NRXN1: variants seen among roughly 807,000 people sequenced by gnomAD.
NRXN1 encodes the protein neurexin-1.
A neutral mutation model predicts 150.9 loss-of-function variants in NRXN1; 39 were observed. The ratio of observed to expected loss-of-function variants is 0.26; its 90% confidence interval spans 0.20 to 0.34. The LOEUF (loss-of-function observed/expected upper bound fraction) is 0.34, where lower values mean the gene tolerates loss of function less well. Among genes scored for constraint, NRXN1 ranks in the 10% least tolerant of loss-of-function variants. NRXN1 has a pLI of 1.00. For missense variants in NRXN1, 1,815 were observed against 1,949.9 expected (o/e 0.93, Z 1.30); for synonymous variants, 924 against 757.0 (o/e 1.22, Z -3.62).
intron 5 of NRXN1, among the ~76,000 whole-genome samples, chr2:50,844,399 C>T (rs72838774): frequency 0.074 from 11,239 of 152,252 alleles, 529 homozygotes; most frequent in Middle Eastern, 0.13. Flanking sequence ...CTTATGGTGA[C>T]CTTCTAGGTG....
At chr2:50,576,947 T>C (rs1475286650) in intron 8 of NRXN1, among the ~76,000 whole-genome samples, 8 of 152,124 alleles carry the variant, frequency 5.3e-5, no homozygotes, top group Non-Finnish European at 8.8e-5. Context: ...TAATTTATTA[T>C]ATTCTTGCTA....
intron 5 of NRXN1, among the ~76,000 whole-genome samples, chr2:50,849,595 T>A (rs947011566): frequency 1.2e-4 from 18 of 152,166 alleles, no homozygotes; most frequent in African/African-American, 4.1e-4. Flanking sequence ...TTCTTTTGTT[T>A]CAGCACAGTT....
intron 15 of NRXN1, among the ~76,000 whole-genome samples, chr2:50,494,891 C>T (rs1250220945): frequency 2.0e-5 from 3 of 151,758 alleles, no homozygotes; most frequent in South Asian, 2.1e-4. Flanking sequence ...ATTAGCCGGG[C>T]GTGGTGGCGG....
chr2:50,217,887 C>A (rs1401636507), intron 18 of NRXN1, among the ~76,000 whole-genome samples: 1 of 152,036 alleles, frequency 6.6e-6, no homozygotes, highest in Non-Finnish European at 1.5e-5. Flanking sequence ...AGCCATTCAT[C>A]CAGAAAACAT....
intron 17 of NRXN1, among the ~76,000 whole-genome samples, chr2:50,418,877 G>A (rs2104218247): frequency 6.6e-6 from 1 of 151,900 alleles, no homozygotes; most frequent in Non-Finnish European, 1.5e-5. Context: ...CATGTTTAAA[G>A]GCATAAGTGG....
chr2:50,043,373 A>G (rs528553688), intron 21 of NRXN1, among the ~76,000 whole-genome samples: 6 of 152,178 alleles, frequency 3.9e-5, no homozygotes, highest in Non-Finnish European at 8.8e-5. Context: ...TTAGATTGCC[A>G]TGTAGACCCT....
intron 18 of NRXN1, among the ~76,000 whole-genome samples, chr2:50,126,945 C>T (rs953828265): frequency 6.6e-6 from 1 of 152,094 alleles, no homozygotes; most frequent in Non-Finnish European, 1.5e-5. Context: ...TATTTACTCT[C>T]CCAATAAACC....
chr2:50,292,700 C>T (rs556544477), intron 17 of NRXN1, among the ~76,000 whole-genome samples: 84 of 152,182 alleles, frequency 5.5e-4, no homozygotes, highest in Non-Finnish European at 1.2e-3. Flanking sequence ...AACTTGTTCT[C>T]TTCAAAGGAG....
Position 50,120,085 on chromosome 2 carries a change from A to G in NRXN1, c.3547-28591T>C, listed in dbSNP as rs576791156. Among the ~76,000 whole-genome samples, 11 of 152,296 alleles carry G rather than the reference A, an allele frequency of 7.2e-5. No homozygotes were observed. In the East Asian group the frequency reaches 1.7e-3, roughly 24 times the overall value. Reference sequence around the variant, plus strand: ...TGCTCTATTGTTAATCAAAAAGCCAATAATAAAAAGGCAAATTAAAAGGCA... The same window carrying G: ...TGCTCTATTGTTAATCAAAAAGCCAGTAATAAAAAGGCAAATTAAAAGGCA... On this transcript the variant is annotated intron_variant, in intron 18 of 22. Coordinates refer to ENST00000401669, the MANE Select transcript of NRXN1 (RefSeq NM_001330078.2).
At chr2:50,921,359 G>T (rs1003583351) in intron 5 of NRXN1, among the ~76,000 whole-genome samples, 1 of 151,748 alleles carries the variant, frequency 6.6e-6, no homozygotes, top group Non-Finnish European at 1.5e-5. Flanking sequence ...TCCTCTGTTT[G>T]TCTCTTTCTT....
chr2:49,934,389 C>T (rs1347160691), intron 22 of NRXN1, among the ~76,000 whole-genome samples: 1 of 152,096 alleles, frequency 6.6e-6, no homozygotes, highest in Non-Finnish European at 1.5e-5. Flanking sequence ...AGGGTGCCCG[C>T]ACAGCATCTA....
chr2:50,655,020 G>A (rs2104589262), intron 5 of NRXN1, among the ~76,000 whole-genome samples: 1 of 152,062 alleles, frequency 6.6e-6, no homozygotes, highest in East Asian at 2.0e-4. Context: ...TTGCAACCTG[G>A]AGAAAACATG....
intron 18 of NRXN1, among the ~76,000 whole-genome samples, chr2:50,163,608 A>G (rs2059498622): frequency 6.6e-6 from 1 of 152,154 alleles, no homozygotes; most frequent in Non-Finnish European, 1.5e-5. Flanking sequence ...AAGGATTGAC[A>G]ACTGCCTTTT....
rs1000757168 is a variant in NRXN1, at chr2:51,032,060, A to T, written c.-1001T>A. 2 of 152,374 alleles carry T rather than the reference A, an allele frequency of 1.3e-5. No individual in the cohort carries two copies. Among genetic ancestry groups the T allele is most frequent in the African/African-American group, 4.8e-5 (2 of 41,430 alleles). The allele number at this position is 152,374 out of a possible 1,614,324, so 9.4% of individuals were successfully genotyped here. On this transcript the variant is annotated 5_prime_UTR_variant, in exon 1 of 23. Transcript: ENST00000401669. ...AGCGAATTTCCTGAGGTCTATGGAT[A>T]AGGCGACTGCTGCTGCCTTTTCAGA... is the stretch of plus-strand genomic sequence containing the variant.
At chr2:50,633,180 T>C (rs1682645418) in intron 5 of NRXN1, among the ~76,000 whole-genome samples, 1 of 152,104 alleles carries the variant, frequency 6.6e-6, no homozygotes, top group Non-Finnish European at 1.5e-5. Context: ...TGTAAACTGA[T>C]TCAATGAAAA....
intron 5 of NRXN1, among the ~76,000 whole-genome samples, chr2:50,864,105 G>C (rs894737946): frequency 6.6e-6 from 1 of 152,000 alleles, no homozygotes; most frequent in Admixed American, 6.6e-5. Context: ...AAAGGTCTTA[G>C]GTTCCTTTGG....
At chr2:50,142,468 C>A (rs553720833) in intron 18 of NRXN1, among the ~76,000 whole-genome samples, 2 of 151,874 alleles carry the variant, frequency 1.3e-5, no homozygotes, top group East Asian at 1.9e-4. Context: ...GGATTTGAAA[C>A]ATTCCCAACA....
intron 5 of NRXN1, among the ~76,000 whole-genome samples, chr2:50,875,258 C>T (rs977014968): frequency 1.3e-5 from 2 of 151,640 alleles, no homozygotes; most frequent in African/African-American, 4.8e-5. Flanking sequence ...GACCATATAA[C>T]TTCTTCACTG....
intron 17 of NRXN1, among the ~76,000 whole-genome samples, chr2:50,303,556 T>C (rs145367439): frequency 6.6e-6 from 1 of 152,160 alleles, no homozygotes; most frequent in African/African-American, 2.4e-5. Context: ...ATCCCTCTGA[T>C]TGAGAGCACT....
Sources: gnomAD v4.1 joint callset for allele counts (sites outside exome capture counted in the v4.1 genomes callset) on GRCh38, gnomAD v4.1.1 for gene constraint, MANE v1.5 for transcripts, NCBI Gene and HGNC (gene_info 2026-07-23, HGNC 2026-07-21) for gene names.